PSTPIP2: variants seen among roughly 807,000 people sequenced by gnomAD.
PSTPIP2 encodes proline-serine-threonine phosphatase-interacting protein 2.
A neutral mutation model predicts 63.3 loss-of-function variants in PSTPIP2; 33 were observed. The observed-to-expected ratio is 0.52, with a 90% CI of 0.40 to 0.70. PSTPIP2 has a LOEUF of 0.70. Among genes scored for constraint, PSTPIP2 ranks in the 30% least tolerant of loss-of-function variants. The pLI, the probability that PSTPIP2 is intolerant of heterozygous loss-of-function variation, is 0.00. For missense variants in PSTPIP2, 312 were observed against 400.7 expected (o/e 0.78, Z 1.89); for synonymous variants, 125 against 132.7 (o/e 0.94, Z 0.40).
chr18:46,053,604 T>G (rs1026015135), intron 1 of PSTPIP2, among the ~76,000 whole-genome samples: 2 of 152,160 alleles, frequency 1.3e-5, no homozygotes, highest in Non-Finnish European at 2.9e-5. Context: ...GACCATTAAG[T>G]CTGATTCATT....
rs2144058093 is a variant in PSTPIP2 at position 45,990,775 on chromosome 18, A to G, written c.921-19T>C. 1.3e-6 allele frequency: 2 copies of G among 1,577,666 alleles called. No individual in the cohort carries two copies. Among genetic ancestry groups the G allele is most frequent in the East Asian group, 2.2e-5 (1 of 44,608 alleles). ...TCCTCTCCTGTAAGAAATGAAAACC[A>G]AAGTATTTTAGATAAGTTCTTGTTA... On this transcript the variant is annotated intron_variant, in intron 12 of 14. Coordinates refer to ENST00000409746, the MANE Select transcript of PSTPIP2 (RefSeq NM_024430.4).
In PSTPIP2 at chr18:46,040,015, G is replaced by T. The variant is rs1313303889; in HGVS notation, c.66C>A (p.Asp22Glu). 1 of 1,612,630 alleles carries T rather than the reference G, an allele frequency of 6.2e-7. No individual in the cohort carries two copies. Among genetic ancestry groups the T allele is most frequent in the African/African-American group, 1.3e-5 (1 of 74,846 alleles). The change falls in exon 2 of 15, where the codon GAC (aspartate) becomes GAA (glutamate). Residue 22 changes from aspartate (D) to glutamate (E), a missense_variant. Transcript: ENST00000409746. ...SADILSTIGY[D>E]NIIQHLNNGR... The stretch of plus-strand genomic sequence containing the variant: ...CATTGTTCAGATGTTGGATAATGTT[G>T]TCATAGCCGATGGTGCTGAGGATGT...
chr18:46,061,524 A>G (rs1908992741), intron 1 of PSTPIP2, among the ~76,000 whole-genome samples: 1 of 152,150 alleles, frequency 6.6e-6, no homozygotes, highest in Non-Finnish European at 1.5e-5. Context: ...GCCAGCCAAG[A>G]TAGTGGCTCT....
rs567627048 is a variant in PSTPIP2 at position 46,025,304 on chromosome 18, A to G, written c.135-618T>C. ...TACTTTTTTCTTCAGATTTAAAAAA[A>G]TTATATAAGTAATAAATGAATATAT... On this transcript the variant is annotated intron_variant, in intron 2 of 14. Coordinates refer to ENST00000409746, the MANE Select transcript of PSTPIP2 (RefSeq NM_024430.4). Among the ~76,000 whole-genome samples, 8 of 152,288 alleles carry G rather than the reference A, an allele frequency of 5.3e-5. No individual in the cohort carries two copies. The East Asian group carries it at 1.5e-3, about 29-fold the overall frequency.
intron 1 of PSTPIP2, among the ~76,000 whole-genome samples, chr18:46,042,233 C>T (rs1908220334): frequency 6.6e-6 from 1 of 152,168 alleles, no homozygotes; most frequent in Admixed American, 6.5e-5. Flanking sequence ...ACAGCTTCCA[C>T]CAAAGCCTCA....
At chr18:46,047,629 G>A (rs551751062) in intron 1 of PSTPIP2, among the ~76,000 whole-genome samples, 1 of 152,262 alleles carries the variant, frequency 6.6e-6, no homozygotes, top group South Asian at 2.1e-4. Flanking sequence ...AACAGAGGTT[G>A]TGGTGAGCCG....
rs907469086 is a variant in PSTPIP2 at position 46,003,793 on chromosome 18, T to C, written c.417+1676A>G. On this transcript the variant is annotated intron_variant, in intron 6 of 14. Transcript: ENST00000409746. ...TTTTGAGACAGAGTTTCACTCTTGT[T>C]GCCCAGGCTGGAGTATGCAATAGTG... Among the ~76,000 whole-genome samples the C allele has an allele frequency of 4.6e-5, 7 of 151,332 alleles. No homozygotes were observed. In the East Asian group the frequency reaches 1.2e-3, roughly 25 times the overall value.
intron 2 of PSTPIP2, chr18:46,028,711 A>G: frequency 1.1e-6 from 1 of 885,818 alleles, no homozygotes; most frequent in South Asian, 1.3e-5. Context: ...GAAAAATGCT[A>G]GTGAAAGTAA....
chr18:46,044,578 C>G (rs575141413), intron 1 of PSTPIP2, among the ~76,000 whole-genome samples: 49 of 152,146 alleles, frequency 3.2e-4, no homozygotes, highest in Admixed American at 1.3e-4. Context: ...TAGGCATTAC[C>G]ATTCAGGACA....
intron 3 of PSTPIP2, among the ~76,000 whole-genome samples, chr18:46,016,685 T>C (rs1370440721): frequency 6.6e-6 from 1 of 152,220 alleles, no homozygotes; most frequent in Non-Finnish European, 1.5e-5. Context: ...TTCTGTGGAT[T>C]GCCAGTCTGA....
intron 4 of PSTPIP2, among the ~76,000 whole-genome samples, chr18:46,012,741 T>C (rs1030705307): frequency 7.9e-5 from 12 of 152,164 alleles, no homozygotes; most frequent in Admixed American, 1.3e-4. Context: ...CCACTGCACT[T>C]CAGCCTGGCA....
Position 46,041,110 on chromosome 18 carries a change from G to A in PSTPIP2, c.34-1063C>T, listed in dbSNP as rs1288395512. Reference sequence around the variant, plus strand: ...TCAAGGGTATCTCTACAAAAGACAAGCAGCTCTGAGCCAGAAGCCAGGAAC... The same window carrying A: ...TCAAGGGTATCTCTACAAAAGACAAACAGCTCTGAGCCAGAAGCCAGGAAC... On this transcript the variant is annotated intron_variant, in intron 1 of 14. Transcript: ENST00000409746. 3 of 454,032 alleles carry A rather than the reference G, an allele frequency of 6.6e-6. No homozygotes were observed. In the East Asian group the frequency reaches 2.1e-4, roughly 32 times the overall value. The allele number at this position is 454,032 out of a possible 1,614,324, so 28.1% of individuals were successfully genotyped here. A position where few individuals can be genotyped will look rare whatever the true frequency, so the allele number is the denominator to read the frequency against.
At chr18:46,003,484 A>C (rs572874334) in intron 6 of PSTPIP2, among the ~76,000 whole-genome samples, 1 of 152,202 alleles carries the variant, frequency 6.6e-6, no homozygotes, top group East Asian at 1.9e-4. Context: ...GCTGCAGTAG[A>C]ATGGTTATTT....
In PSTPIP2 at chr18:46,032,560, C is replaced by T. The variant is rs780590907; in HGVS notation, c.134+7387G>A. Among the ~76,000 whole-genome samples, 11 of 151,742 alleles carry T rather than the reference C, an allele frequency of 7.2e-5. No individual in the cohort carries two copies. In the South Asian group the frequency reaches 8.3e-4, roughly 11 times the overall value. On this transcript the variant is annotated intron_variant, in intron 2 of 14. Coordinates refer to ENST00000409746, the MANE Select transcript of PSTPIP2 (RefSeq NM_024430.4). ...CCTGAGGTCAAGAGTTCGAGACTAC[C>T]CTGGCTAAAATGGTGAAACCCCATT...
chr18:46,016,567 C>T (rs928609346), intron 3 of PSTPIP2, among the ~76,000 whole-genome samples: 2 of 152,172 alleles, frequency 1.3e-5, no homozygotes, highest in East Asian at 1.9e-4. Flanking sequence ...TTATCCCAGA[C>T]CTCAGAGTCT....
chr18:46,041,435 T>C (rs1344612865), intron 1 of PSTPIP2, among the ~76,000 whole-genome samples: 1 of 152,030 alleles, frequency 6.6e-6, no homozygotes, highest in East Asian at 1.9e-4. Context: ...TTAGTAAAGG[T>C]GAGGGTCTCG....
chr18:46,020,569 T>C (rs1006333689), intron 3 of PSTPIP2, among the ~76,000 whole-genome samples: 1 of 152,066 alleles, frequency 6.6e-6, no homozygotes. Context: ...AGAGAACTGC[T>C]TGAACCCCGG....
At chr18:46,043,763 CAAAAAAGTTACT>C (rs1208865573) in intron 1 of PSTPIP2, among the ~76,000 whole-genome samples, 2 of 151,474 alleles carry the variant, frequency 1.3e-5, no homozygotes, top group Non-Finnish European at 2.9e-5. Context: ...AAGAAGTTTA[CAAAAAAGTTACT>C]AAAACTAGTC....
In PSTPIP2 at chr18:45,997,751, C is replaced by T. The variant is rs747947520; in HGVS notation, c.640G>A (p.Glu214Lys). 4.1e-6 allele frequency: 6 copies of T among 1,474,556 alleles called. No individual in the cohort carries two copies. The Admixed American group carries it at 7.3e-5, about 18-fold the overall frequency. The allele number at this position is 1,474,556 out of a possible 1,614,324, so 91.3% of individuals were successfully genotyped here. The change falls in exon 9 of 15, where the codon GAG (glutamate) becomes AAG (lysine). Residue 214 changes from glutamate (E) to lysine (K), a missense_variant and splice_region_variant. By Grantham distance (56) the Glu-to-Lys change is moderately conservative. Transcript: ENST00000409746. The part of the protein sequence containing the change: ...EWQSEHIKAC[E>K]AFEAQECERI... ...GAGCAGCTTCCGGTTACGGGTACCT[C>T]GCAGGCCTTGATGTGCTCACTCTGC... is the stretch of plus-strand genomic sequence containing the variant.
Sources: allele counts gnomAD v4.1 joint callset (sites outside exome capture counted in the v4.1 genomes callset), GRCh38; gene constraint gnomAD v4.1.1; transcripts MANE v1.5; gene names NCBI Gene and HGNC (gene_info 2026-07-23, HGNC 2026-07-21).